ITFG1: variants seen among roughly 807,000 people sequenced by gnomAD.
The protein encoded by ITFG1 is integrin alpha FG-GAP repeat containing 1.
ITFG1 carries 34 observed loss-of-function variants against 81.8 expected under a neutral mutation model. The observed-to-expected ratio is 0.42, with a 90% CI of 0.32 to 0.55. ITFG1 has a LOEUF of 0.55. Ranked by LOEUF, ITFG1 falls within the 20% of genes least tolerant of loss-of-function variation. The pLI is 0.17. For missense variants in ITFG1, 672 were observed against 755.4 expected, an observed-to-expected ratio of 0.89 and a Z score of 1.29; for synonymous variants, 285 against 270.6, an observed-to-expected ratio of 1.05 and a Z score of -0.52.
chr16:47,368,324 G>T (rs1345316573), intron 7 of ITFG1, among the ~76,000 whole-genome samples: 2 of 151,230 alleles, frequency 1.3e-5, no homozygotes, highest in East Asian at 3.9e-4. Flanking sequence ...GGCCGAGGCA[G>T]GCAGATCACT....
intron 6 of ITFG1, among the ~76,000 whole-genome samples, chr16:47,427,826 T>C (rs1969043034): frequency 6.6e-6 from 1 of 152,202 alleles, no homozygotes; most frequent in Non-Finnish European, 1.5e-5. Flanking sequence ...TGACTAGATA[T>C]TCAATGACAT....
At chr16:47,302,179 C>T (rs763378383) in intron 10 of ITFG1, among the ~76,000 whole-genome samples, 11 of 152,280 alleles carry the variant, frequency 7.2e-5, no homozygotes, top group Non-Finnish European at 1.3e-4. Flanking sequence ...AAGACTCCTG[C>T]TCTCAAGGAA....
At chr16:47,398,885 T>A (rs1383917763) in intron 6 of ITFG1, among the ~76,000 whole-genome samples, 1 of 152,188 alleles carries the variant, frequency 6.6e-6, no homozygotes, top group East Asian at 1.9e-4. Flanking sequence ...GGAACATTTA[T>A]TAGAGAGAGA....
chr16:47,254,803 C>A (rs1325982068), intron 12 of ITFG1, among the ~76,000 whole-genome samples: 1 of 152,138 alleles, frequency 6.6e-6, no homozygotes, highest in Non-Finnish European at 1.5e-5. Flanking sequence ...CAGGCACATA[C>A]CACATTCAGA....
chr16:47,350,223 C>A (rs181581762), intron 8 of ITFG1, among the ~76,000 whole-genome samples: 2 of 152,100 alleles, frequency 1.3e-5, no homozygotes, highest in African/African-American at 4.8e-5. Flanking sequence ...CAGACCAGAA[C>A]TGAAGAAGAT....
intron 9 of ITFG1, chr16:47,311,842 GA>G (rs2151564623): frequency 6.5e-6 from 1 of 153,738 alleles, no homozygotes; most frequent in South Asian, 2.0e-4. Flanking sequence ...AGGAAAGTTA[GA>G]ACATGACAGA....
chr16:47,375,987 T>C (rs772450222), intron 6 of ITFG1, 47 bp from the exon 7 acceptor site: 1 of 1,131,856 alleles, frequency 8.8e-7, no homozygotes, highest in South Asian at 1.4e-5. Flanking sequence ...GTCTTACTGA[T>C]GTGTACATTT....
chr16:47,307,047 T>C (rs1184362477), intron 10 of ITFG1, among the ~76,000 whole-genome samples: 4 of 120,856 alleles, frequency 3.3e-5, no homozygotes, highest in African/African-American at 1.3e-4. Flanking sequence ...TATGTGGAGA[T>C]TGCGCCACTG....
At chr16:47,192,100 GTC>G (rs1436384484) in intron 14 of ITFG1, among the ~76,000 whole-genome samples, 1 of 152,168 alleles carries the variant, frequency 6.6e-6, no homozygotes, top group Non-Finnish European at 1.5e-5. Context: ...TAAATTCCCT[GTC>G]TCTATAATTT....
At chr16:47,458,583 C>G (rs566486976) in intron 2 of ITFG1, among the ~76,000 whole-genome samples, 2 of 152,142 alleles carry the variant, frequency 1.3e-5, no homozygotes, top group Admixed American at 6.5e-5. Context: ...TCATGCAATG[C>G]CAACCACAGA....
At chr16:47,189,063 C>G (rs1431197165) in intron 14 of ITFG1, among the ~76,000 whole-genome samples, 1 of 152,056 alleles carries the variant, frequency 6.6e-6, no homozygotes, top group Non-Finnish European at 1.5e-5. Context: ...CACACCCAGC[C>G]CCATAAACAG....
chr16:47,184,557 A>C (rs1370370811), intron 14 of ITFG1, among the ~76,000 whole-genome samples: 13 of 152,188 alleles, frequency 8.5e-5, no homozygotes, highest in East Asian at 1.9e-4. Flanking sequence ...GAAATAAAAT[A>C]CTTTCCAGAC....
At chr16:47,350,148 A>C (rs918293496) in intron 8 of ITFG1, among the ~76,000 whole-genome samples, 2 of 152,230 alleles carry the variant, frequency 1.3e-5, no homozygotes, top group Admixed American at 1.3e-4. Flanking sequence ...TATCACAATT[A>C]AAAGAACTAG....
chr16:47,433,893 T>G (rs1364056304), intron 5 of ITFG1, among the ~76,000 whole-genome samples: 2 of 123,068 alleles, frequency 1.6e-5, no homozygotes, highest in African/African-American at 6.7e-5. Flanking sequence ...TATATATATA[T>G]ATATATATAT....
At chr16:47,165,607 G>A (rs185482078) in intron 14 of ITFG1, among the ~76,000 whole-genome samples, 1 of 152,374 alleles carries the variant, frequency 6.6e-6, no homozygotes, top group Non-Finnish European at 1.5e-5. Context: ...CACTCTGGGA[G>A]GCCAAGGCAG....
At chr16:47,167,127 A>G (rs1380248128) in intron 14 of ITFG1, among the ~76,000 whole-genome samples, 3 of 152,168 alleles carry the variant, frequency 2.0e-5, no homozygotes, top group Admixed American at 2.0e-4. Context: ...ATCTGCTTTC[A>G]TTCTCTATGG....
At position 47,155,427 on chromosome 16, in the gene ITFG1, T is replaced by G. The variant is rs1316598395; in HGVS notation, c.*292A>C. On this transcript the variant is annotated 3_prime_UTR_variant, in exon 18 of 18. Coordinates refer to ENST00000320640, the MANE Select transcript of ITFG1 (RefSeq NM_030790.5). Reference sequence around the variant, plus strand: ...TACACAACTTTTTCCATCATCATGATGCAAATAAGATTATAAATACACAAA... The same window carrying G: ...TACACAACTTTTTCCATCATCATGAGGCAAATAAGATTATAAATACACAAA... The G allele has an allele frequency of 9.5e-6, 2 of 210,336 alleles. No individual in the cohort carries two copies. The highest frequency in any genetic ancestry group is 4.6e-5 in the African/African-American group (2 of 43,746). The allele number at this position is 210,336 out of a possible 1,614,324, so 13.0% of individuals were successfully genotyped here.
chr16:47,236,504 C>T (rs1026353804), intron 13 of ITFG1, among the ~76,000 whole-genome samples: 2 of 149,944 alleles, frequency 1.3e-5, no homozygotes, highest in African/African-American at 4.9e-5. Flanking sequence ...AAAAGTGTCA[C>T]CTGCCTTGGC....
At chr16:47,207,285 C>T (rs372943342) in intron 14 of ITFG1, among the ~76,000 whole-genome samples, 10 of 152,090 alleles carry the variant, frequency 6.6e-5, no homozygotes, top group South Asian at 6.2e-4. Context: ...GGGGTTTCAC[C>T]GTGTTAGCCA....
Sources: gnomAD v4.1 joint callset for allele counts (sites outside exome capture counted in the v4.1 genomes callset) on GRCh38, gnomAD v4.1.1 for gene constraint, MANE v1.5 for transcripts, NCBI Gene and HGNC (gene_info 2026-07-23, HGNC 2026-07-21) for gene names.